Variants in CMIP observed in about 807,000 individuals in gnomAD.
The protein encoded by CMIP is c-Maf inducing protein, also known as C-Maf-inducing protein.
In CMIP, 13 loss-of-function variants were observed where a neutral mutation model predicts 97.3. The observed-to-expected ratio is 0.13, with a 90% CI of 0.09 to 0.21. The LOEUF (loss-of-function observed/expected upper bound fraction) is 0.21, where lower values mean the gene tolerates loss of function less well. CMIP is among the 10% of genes least tolerant of loss of function. The pLI, the probability that CMIP is intolerant of heterozygous loss-of-function variation, is 1.00. For synonymous variants in CMIP, 538 were observed against 436.3 expected (o/e 1.23, Z -2.91); for missense variants, 847 against 1,024.9 (o/e 0.83, Z 2.37).
chr16:81,651,501 GTT>G, intron 3 of CMIP: 1 of 399,698 alleles, frequency 2.5e-6, no homozygotes, highest in Non-Finnish European at 3.4e-6. Flanking sequence ...AGCATTCCAG[GTT>G]TAGTCCCTAC....
intron 1 of CMIP, among the ~76,000 whole-genome samples, chr16:81,524,773 G>A (rs1207605620): frequency 6.6e-6 from 1 of 152,084 alleles, no homozygotes; most frequent in African/African-American, 2.4e-5. Context: ...TGTTCTGCAG[G>A]GAGCATTTTT....
intron 8 of CMIP, among the ~76,000 whole-genome samples, chr16:81,670,855 G>A (rs1369918560): frequency 6.6e-6 from 1 of 152,098 alleles, no homozygotes; most frequent in African/African-American, 2.4e-5. Context: ...TTGAGATGGA[G>A]TCTCGCTCTG....
At chr16:81,559,365 A>G (rs1311034715) in intron 1 of CMIP, among the ~76,000 whole-genome samples, 2 of 152,204 alleles carry the variant, frequency 1.3e-5, no homozygotes, top group Non-Finnish European at 2.9e-5. Context: ...GTGCCTCTTT[A>G]TTGAAAGCCT....
chr16:81,567,672 G>A (rs554411600), intron 1 of CMIP, among the ~76,000 whole-genome samples: 2 of 152,256 alleles, frequency 1.3e-5, no homozygotes, highest in South Asian at 2.1e-4. Flanking sequence ...ATGCCACGCC[G>A]CCCTCAGGAC....
intron 10 of CMIP, among the ~76,000 whole-genome samples, chr16:81,680,193 G>T (rs550725110): frequency 1.3e-5 from 2 of 152,248 alleles, no homozygotes; most frequent in Non-Finnish European, 2.9e-5. Flanking sequence ...GGTGTTGTCT[G>T]TGTGGGTGGG....
intron 3 of CMIP, among the ~76,000 whole-genome samples, chr16:81,650,150 C>T (rs1277460535): frequency 6.6e-6 from 1 of 152,326 alleles, no homozygotes; most frequent in South Asian, 2.1e-4. Context: ...TTACTCTTCA[C>T]TGTACACTCA....
At chr16:81,705,424 C>T (rs1234725206) in intron 18 of CMIP, 75 bp from the exon 19 acceptor site, 11 of 1,087,068 alleles carry the variant, frequency 1.0e-5, no homozygotes, top group African/African-American at 9.3e-5. Flanking sequence ...TCCCTTTCCT[C>T]CACCTCTGCC....
chr16:81,524,401 T>C (rs2925990), intron 1 of CMIP, among the ~76,000 whole-genome samples: 133,743 of 152,274 alleles, frequency 0.88, 58,918 homozygotes, highest in African/African-American at 0.93. Context: ...CTTCAGCCAG[T>C]CTGGCTCTGC....
At chr16:81,662,058 G>A (rs1415757734) in intron 6 of CMIP, among the ~76,000 whole-genome samples, 2 of 152,184 alleles carry the variant, frequency 1.3e-5, no homozygotes, top group Non-Finnish European at 2.9e-5. Flanking sequence ...GGACACACAA[G>A]GGCCTTGTCT....
In CMIP at chr16:81,678,504, A is replaced by C; in HGVS notation, c.1264A>C (p.Asn422His). The C allele has an allele frequency of 6.2e-7, 1 of 1,601,250 alleles. No homozygotes were observed. Among genetic ancestry groups the C allele is most frequent in the Non-Finnish European group, 8.5e-7 (1 of 1,174,764 alleles). ...AKPALTASAGNDSEPNLIDCL... is the reference protein window; with the variant it reads ...AKPALTASAGHDSEPNLIDCL... ...GCCGGCGCTGACGGCCAGCGCAGGC[A>C]ACGACAGCGAGCCCAACCTCATCGA... The change falls in exon 10 of 21, where the codon AAC (asparagine) becomes CAC (histidine). Residue 422 changes from asparagine (N) to histidine (H), a missense_variant. Asn to His is a moderately conservative substitution (Grantham distance 68). Coordinates refer to ENST00000537098, the MANE Select transcript of CMIP (RefSeq NM_198390.3).
intron 1 of CMIP, among the ~76,000 whole-genome samples, chr16:81,603,188 T>G (rs1274099904): frequency 6.6e-6 from 1 of 152,136 alleles, no homozygotes; most frequent in Non-Finnish European, 1.5e-5. Flanking sequence ...CACGCCATTC[T>G]CCTTCCTCAG....
chr16:81,455,372 G>A (rs770005653), intron 1 of CMIP, among the ~76,000 whole-genome samples: 75 of 152,246 alleles, frequency 4.9e-4, no homozygotes, highest in Non-Finnish European at 9.6e-4. Flanking sequence ...GGGACACTGA[G>A]GCACTGCCCC....
At chr16:81,483,613 C>G (rs1597465726) in intron 1 of CMIP, among the ~76,000 whole-genome samples, 1 of 152,194 alleles carries the variant, frequency 6.6e-6, no homozygotes, top group Admixed American at 6.5e-5. Context: ...CTCCCTCTCC[C>G]TGACCCTCCC....
At chr16:81,500,252 TTCCG>T (rs1331284713) in intron 1 of CMIP, among the ~76,000 whole-genome samples, 39 of 144,078 alleles carry the variant, frequency 2.7e-4, no homozygotes, top group African/African-American at 9.6e-4. Context: ...CCTTCCTTCC[TTCCG>T]TCCTTCCTTC....
intron 3 of CMIP, among the ~76,000 whole-genome samples, chr16:81,624,247 C>A (rs549963045): frequency 7.2e-5 from 11 of 151,816 alleles, no homozygotes; most frequent in Non-Finnish European, 1.5e-4. Context: ...TTTTAGGGTA[C>A]GTGTGCACAA....
chr16:81,679,947 C>T (rs1904700451), intron 10 of CMIP, among the ~76,000 whole-genome samples: 1 of 152,338 alleles, frequency 6.6e-6, no homozygotes, highest in East Asian at 1.9e-4. Context: ...GCAGACACCT[C>T]CCCCTTTCTC....
At chr16:81,593,350 G>A (rs1471167103) in intron 1 of CMIP, among the ~76,000 whole-genome samples, 3 of 152,070 alleles carry the variant, frequency 2.0e-5, no homozygotes, top group Non-Finnish European at 4.4e-5. Flanking sequence ...AGATTGGCGA[G>A]AGGTGGTGTT....
chr16:81,495,383 C>T (rs745912911), intron 1 of CMIP: 163 of 1,538,860 alleles, frequency 1.1e-4, no homozygotes, highest in Middle Eastern at 7.7e-4. Flanking sequence ...CATGGCATAA[C>T]CGTTTGAGAA....
chr16:81,607,016 A>T (rs2091755035), intron 1 of CMIP: 1 of 155,264 alleles, frequency 6.4e-6, no homozygotes. Flanking sequence ...TAGGGAGAGC[A>T]GACCCCGCTG....
Sources: gnomAD v4.1 joint callset for allele counts (sites outside exome capture counted in the v4.1 genomes callset) on GRCh38, gnomAD v4.1.1 for gene constraint, MANE v1.5 for transcripts, NCBI Gene and HGNC (gene_info 2026-07-23, HGNC 2026-07-21) for gene names.